The following PKIG variants were observed in gnomAD, a reference collection of about 807,000 sequenced individuals.
PKIG encodes the protein protein kinase (cAMP-dependent, catalytic) inhibitor gamma.
In PKIG, 1 loss-of-function variant was observed where a neutral mutation model predicts 6.8. That is an observed-to-expected ratio of 0.15 (90% CI 0.05 to 0.69). PKIG has a LOEUF of 0.69. PKIG is among the 30% of genes least tolerant of loss of function. PKIG has a pLI of 0.82. For missense variants in PKIG, 77 were observed against 104.0 expected (o/e 0.74, Z 1.13); for synonymous variants, 39 against 43.0 (o/e 0.91, Z 0.36).
intron 1 of PKIG, 26 bp from the exon 2 acceptor site, chr20:44,589,771 T>G (rs1043275879): frequency 6.6e-6 from 1 of 152,338 alleles, no homozygotes; most frequent in African/African-American, 2.4e-5. Flanking sequence ...CTGGCTCTAA[T>G]TTTTGTTTTT....
At chr20:44,604,874 A>G (rs969739801) in intron 2 of PKIG, among the ~76,000 whole-genome samples, 3 of 152,194 alleles carry the variant, frequency 2.0e-5, no homozygotes, top group African/African-American at 7.2e-5. Flanking sequence ...TAAAAATGTG[A>G]TTTCTATCTA....
At chr20:44,546,784 C>T (rs2064618860) in intron 1 of PKIG, among the ~76,000 whole-genome samples, 2 of 140 alleles carry the variant, frequency 0.014, no homozygotes, top group Admixed American at 0.14. Context: ...AGCTCCTGAC[C>T]TCAGGTAATT....
intron 1 of PKIG, among the ~76,000 whole-genome samples, chr20:44,558,610 C>CTTTCTTTCTTTCTTTCTTTCT (rs1304464832): frequency 4.2e-5 from 6 of 143,684 alleles, no homozygotes; most frequent in Non-Finnish European, 9.2e-5. Flanking sequence ...TTCTTTCTTT[C>CTTTCTTTCTTTCTTTCTTTCT]TTTCTCATTC....
intron 2 of PKIG, among the ~76,000 whole-genome samples, chr20:44,593,539 T>TGTGG (rs2065051715): frequency 6.6e-6 from 1 of 152,068 alleles, no homozygotes; most frequent in African/African-American, 2.4e-5. Flanking sequence ...CTCAGTTATA[T>TGTGG]GTGGAATCTA....
chr20:44,573,866 G>GTAT (rs2123303282), intron 1 of PKIG, among the ~76,000 whole-genome samples: 1 of 152,312 alleles, frequency 6.6e-6, no homozygotes, highest in African/African-American at 2.4e-5. Flanking sequence ...ACCTAAGGAA[G>GTAT]TATTCAGTTT....
At chr20:44,602,658 C>A (rs539739985) in intron 2 of PKIG, among the ~76,000 whole-genome samples, 2 of 151,504 alleles carry the variant, frequency 1.3e-5, no homozygotes, top group South Asian at 4.2e-4. Flanking sequence ...CATGGTGAAA[C>A]CCCATCTCTA....
intron 3 of PKIG, among the ~76,000 whole-genome samples, chr20:44,618,060 T>C (rs1185419039): frequency 3.3e-5 from 5 of 152,150 alleles, no homozygotes; most frequent in Non-Finnish European, 7.4e-5. Flanking sequence ...TGGCCCTTAA[T>C]TGACTCTTAA....
intron 2 of PKIG, among the ~76,000 whole-genome samples, chr20:44,609,295 C>T (rs2065192980): frequency 2.0e-5 from 3 of 152,118 alleles, no homozygotes; most frequent in South Asian, 4.2e-4. Context: ...CACTGGGCAG[C>T]CTGTAACATC....
At chr20:44,555,943 C>T (rs1014641815) in intron 1 of PKIG, among the ~76,000 whole-genome samples, 6 of 152,134 alleles carry the variant, frequency 3.9e-5, no homozygotes, top group Non-Finnish European at 5.9e-5. Context: ...CAGGTTCAGG[C>T]GATTCTCCTG....
chr20:44,566,640 G>T (rs968061738), intron 1 of PKIG, among the ~76,000 whole-genome samples: 2 of 152,196 alleles, frequency 1.3e-5, no homozygotes, highest in Non-Finnish European at 2.9e-5. Context: ...AAGGCCAGGG[G>T]TTCGAGACCA....
chr20:44,547,133 G>C (rs2064622520), intron 1 of PKIG, among the ~76,000 whole-genome samples: 1 of 152,192 alleles, frequency 6.6e-6, no homozygotes, highest in African/African-American at 2.4e-5. Context: ...ATGAGAGAAT[G>C]AATCAATGTC....
chr20:44,558,638 C>G (rs2064740191), intron 1 of PKIG, among the ~76,000 whole-genome samples: 1 of 138,592 alleles, frequency 7.2e-6, no homozygotes, highest in Non-Finnish European at 1.5e-5. Flanking sequence ...TTCATTCTTT[C>G]TTTTTTTCTT....
chr20:44,604,610 T>C (rs939252808), intron 2 of PKIG, among the ~76,000 whole-genome samples: 7 of 152,212 alleles, frequency 4.6e-5, no homozygotes, highest in Non-Finnish European at 8.8e-5. Flanking sequence ...TCCTCATTTC[T>C]AAAATGAGGA....
At chr20:44,607,785 C>A (rs1028066229) in intron 2 of PKIG, among the ~76,000 whole-genome samples, 1 of 148,754 alleles carries the variant, frequency 6.7e-6, no homozygotes. Context: ...CCTGGGTTCA[C>A]GCCATTCTCC....
chr20:44,592,055 T>G (rs2065038121), intron 2 of PKIG, among the ~76,000 whole-genome samples: 1 of 152,216 alleles, frequency 6.6e-6, no homozygotes, highest in African/African-American at 2.4e-5. Flanking sequence ...AAAAGAGTGC[T>G]TGGGCAGAGC....
chr20:44,572,540 A>G (rs1325403436), intron 1 of PKIG, among the ~76,000 whole-genome samples: 1 of 152,198 alleles, frequency 6.6e-6, no homozygotes, highest in Non-Finnish European at 1.5e-5. Context: ...TCCTGAGGGC[A>G]ACATGTGTTA....
At chr20:44,541,268 A>G (rs1385592671) in intron 1 of PKIG, among the ~76,000 whole-genome samples, 1 of 152,138 alleles carries the variant, frequency 6.6e-6, no homozygotes, top group African/African-American at 2.4e-5. Flanking sequence ...TGTGCTTTTA[A>G]GACTAGACTA....
chr20:44,567,558 G>A (rs2064820690), intron 1 of PKIG, among the ~76,000 whole-genome samples: 1 of 151,722 alleles, frequency 6.6e-6, no homozygotes, highest in Admixed American at 6.6e-5. Flanking sequence ...CTATCATCAG[G>A]TGGCGTAACT....
intron 2 of PKIG, among the ~76,000 whole-genome samples, chr20:44,594,675 C>T (rs1209801249): frequency 6.6e-6 from 1 of 152,172 alleles, no homozygotes; most frequent in African/African-American, 2.4e-5. Flanking sequence ...TCCCACCCCT[C>T]ACCCCTCTTC....
Sources: allele counts gnomAD v4.1 joint callset (sites outside exome capture counted in the v4.1 genomes callset), GRCh38; gene constraint gnomAD v4.1.1; transcripts MANE v1.5; gene names NCBI Gene and HGNC (gene_info 2026-07-23, HGNC 2026-07-21).